The following STXBP2 variants were observed in gnomAD, a reference collection of about 807,000 sequenced individuals.
STXBP2 encodes the protein syntaxin binding protein 2.
STXBP2 carries 47 observed loss-of-function variants against 72.2 expected under a neutral mutation model. The ratio of observed to expected loss-of-function variants is 0.65; its 90% confidence interval spans 0.51 to 0.83. The LOEUF (loss-of-function observed/expected upper bound fraction) is 0.83. Among genes scored for constraint, STXBP2 ranks in the 40% least tolerant of loss-of-function variants. The pLI is 0.00. For synonymous variants in STXBP2, 367 were observed against 338.7 expected (o/e 1.08, Z -0.92); for missense variants, 702 against 807.6 (o/e 0.87, Z 1.58).
In STXBP2 at chr19:7,640,882, A is replaced by G. The variant is rs762549223; in HGVS notation, c.326-18A>G. 6.2e-7 allele frequency: 1 copy of G among 1,613,032 alleles called. No homozygotes were observed. Among genetic ancestry groups the G allele is most frequent in the Non-Finnish European group, 8.5e-7 (1 of 1,179,788 alleles). On this transcript the variant is annotated intron_variant, in intron 5 of 18. Transcript: ENST00000221283. ...GGGGGCTGCTCTGGCCTGATGCCCC[A>G]CTCCTGCCTCACCCCAGCCTGCCCC...
chr19:7,645,026 A>C (rs771015080), intron 14 of STXBP2, 171 bp from the exon 15 acceptor site: 3 of 1,455,220 alleles, frequency 2.1e-6, no homozygotes, highest in Non-Finnish European at 2.7e-6. Context: ...CCCCTGATCT[A>C]CCCCCTCCAG....
Position 7,645,213 on chromosome 19 carries a change from C to T in STXBP2, c.1263C>T (p.Asn421=), listed in dbSNP as rs772865803. The change falls in exon 15 of 19, where the codon AAC becomes AAT. Residue 421 remains asparagine, a synonymous_variant. Coordinates refer to ENST00000221283, the MANE Select transcript of STXBP2 (RefSeq NM_006949.4). The stretch of plus-strand genomic sequence containing the variant: ...GTCCCCCAGGTGTGAGTGAGGAGAA[C>T]CTGGCCAAGCTGATCCAGCATGCCA... ...ILLRNGVSEE[N]LAKLIQHANV... The T allele has an allele frequency of 5.1e-6, 8 of 1,565,856 alleles. No individual in the cohort carries two copies. In the Admixed American group the frequency reaches 1.5e-4, roughly 29 times the overall value.
At chr19:7,646,152 GCCATCCCCCACCCTA>G in intron 15 of STXBP2, 82 bp from the exon 16 acceptor site, 4 of 975,070 alleles carry the variant, frequency 4.1e-6, no homozygotes, top group Non-Finnish European at 4.7e-6. Context: ...ATCTTTGCCT[GCCATCCCCCACCCTA>G]CCAGCCACAC....
In STXBP2 at chr19:7,640,869, G is replaced by T; in HGVS notation, c.326-31G>T. On this transcript the variant is annotated intron_variant, in intron 5 of 18. Coordinates refer to ENST00000221283, the MANE Select transcript of STXBP2 (RefSeq NM_006949.4). ...GGCAAGGAGGTGTGGGGGCTGCTCTGGCCTGATGCCCCACTCCTGCCTCAC... is the reference window on the plus strand; with the variant it reads ...GGCAAGGAGGTGTGGGGGCTGCTCTTGCCTGATGCCCCACTCCTGCCTCAC... The T allele has an allele frequency of 3.7e-6, 6 of 1,613,574 alleles. No homozygotes were observed. Among genetic ancestry groups the T allele is most frequent in the Non-Finnish European group, 5.1e-6 (6 of 1,179,590 alleles).
At chr19:7,643,664 GAA>G (rs2031989694) in intron 13 of STXBP2, among the ~76,000 whole-genome samples, 2 of 150,708 alleles carry the variant, frequency 1.3e-5, no homozygotes, top group African/African-American at 2.4e-5. Context: ...CCTGGGAGAG[GAA>G]TGGAGCCTTG....
Position 7,647,860 on chromosome 19 carries a change from C to G in STXBP2, c.*50C>G. 6.5e-7 allele frequency: 1 copy of G among 1,526,898 alleles called. No homozygotes were observed. The highest frequency in any genetic ancestry group is 9.0e-7 in the Non-Finnish European group (1 of 1,105,988). The allele number at this position is 1,526,898 out of a possible 1,614,324, so 94.6% of individuals were successfully genotyped here. On this transcript the variant is annotated 3_prime_UTR_variant, in exon 19 of 19. Coordinates refer to ENST00000221283, the MANE Select transcript of STXBP2 (RefSeq NM_006949.4). ...CCCTTTCCAGAGAAATAAACTCTTC[C>G]CGTCGCTCTGCCAGCCAGTGCCTAC... is the stretch of plus-strand genomic sequence containing the variant.
In STXBP2 at chr19:7,642,583, G is replaced by T. The variant is rs192277909; in HGVS notation, c.902+47G>T. On this transcript the variant is annotated intron_variant, in intron 10 of 18. Transcript: ENST00000221283. The surrounding 1 kb of genome is among the most constrained non-coding windows in gnomAD (Gnocchi z 6.0). ...ATCCCCCCCCCACCGCCCACTGTGGGCCTGGTAGCGGCCTTGGGATCCCTG... is the reference window on the plus strand; with the variant it reads ...ATCCCCCCCCCACCGCCCACTGTGGTCCTGGTAGCGGCCTTGGGATCCCTG... The T allele has an allele frequency of 6.8e-4, 1,085 of 1,604,634 alleles. 9 individuals are homozygous for T. The highest frequency in any genetic ancestry group is 2.9e-3 in the Middle Eastern group (17 of 5,924).
intron 15 of STXBP2, 128 bp from the exon 16 acceptor site, chr19:7,646,121 C>G: frequency 2.8e-6 from 2 of 714,380 alleles, no homozygotes; most frequent in Non-Finnish European, 4.9e-6. Flanking sequence ...CGCTCTCTCT[C>G]GCTCTCTGTT....
At chr19:7,645,358 C>T (rs1195821297) in intron 15 of STXBP2, 52 bp downstream of exon 15, 8 of 1,517,396 alleles carry the variant, frequency 5.3e-6, no homozygotes, top group Non-Finnish European at 6.3e-6. Context: ...CGGATCACAG[C>T]CGGGGCTCTG....
At chr19:7,647,094 TG>T in intron 16 of STXBP2, 67 bp from the exon 17 acceptor site, 4 of 1,542,128 alleles carry the variant, frequency 2.6e-6, no homozygotes, top group Non-Finnish European at 2.7e-6. Flanking sequence ...GAATACCCCG[TG>T]GGGGGCACTC....
chr19:7,645,241 G>A lies in STXBP2; in HGVS notation c.1291G>A (p.Val431Ile). 1 of 1,579,850 alleles carries A rather than the reference G, an allele frequency of 6.3e-7. No homozygotes were observed. Among genetic ancestry groups the A allele is most frequent in the Non-Finnish European group, 8.6e-7 (1 of 1,161,720 alleles). The change falls in exon 15 of 19, where the codon GTA becomes ATA. Residue 431 changes from valine to isoleucine, a missense_variant. Physicochemically the swap from Val to Ile is conservative, Grantham distance 29 (BLOSUM62 3). Transcript: ENST00000221283. ...GGCCAAGCTGATCCAGCATGCCAAT[G>A]TACAGGCGCACAGCAGCCTCATCCG... ...NLAKLIQHAN[V>I]QAHSSLIRNL...
Position 7,639,863 on chromosome 19 carries a change from T to C in STXBP2, c.246+56T>C, listed in dbSNP as rs762534168. ...GCGTGCATGCGTGTACATGTGCATGTGTGTGTATGTCTGCATGCATGTGAT... is the reference window on the plus strand; with the variant it reads ...GCGTGCATGCGTGTACATGTGCATGCGTGTGTATGTCTGCATGCATGTGAT... On this transcript the variant is annotated intron_variant, in intron 4 of 18. Transcript: ENST00000221283. The C allele has an allele frequency of 9.7e-6, 15 of 1,546,336 alleles. No individual in the cohort carries two copies. In the South Asian group the frequency reaches 1.7e-4, roughly 17 times the overall value.
the STXBP2 span, chr19:7,630,246 G>A: frequency 2.2e-6 from 1 of 460,000 alleles, no homozygotes; most frequent in Non-Finnish European, 3.9e-6. Flanking sequence ...TCCTGGGTTT[G>A]GGGGTGCTCC....
rs201164454 is a variant in STXBP2 at position 7,646,268 on chromosome 19, G to C, written c.1376G>C (p.Arg459Pro). Residue 459 changes from arginine (R) to proline (P), a missense_variant, in exon 16 of 19, where the codon CGG becomes CCG. Arg to Pro is a moderately radical substitution (Grantham distance 103). Transcript: ENST00000221283. ...CTGTAGGGCTCGGGGACCTCCAGCC[G>C]GCTGGAGCCGAGAGAACGCATGGAG... is the stretch of plus-strand genomic sequence containing the variant. The part of the protein sequence containing the change: ...TNPGGSGTSS[R>P]LEPRERMEPT... 1 of 1,608,708 alleles carries C rather than the reference G, an allele frequency of 6.2e-7. No individual in the cohort carries two copies. Among genetic ancestry groups the C allele is most frequent in the South Asian group, 1.1e-5 (1 of 89,880 alleles).
rs541299671 is a variant in STXBP2 at position 7,644,942 on chromosome 19, C to T, written c.1246+190C>T. ...GGGGATTCCTCCACTGAGGTGAGGG[C>T]TCCCTGCTAACGTAGAAACCCTCAC... On this transcript the variant is annotated intron_variant, in intron 14 of 18. Coordinates refer to ENST00000221283, the MANE Select transcript of STXBP2 (RefSeq NM_006949.4). 13 of 1,452,800 alleles carry T rather than the reference C, an allele frequency of 8.9e-6. No homozygotes were observed. The South Asian group carries it at 1.6e-4, about 18-fold the overall frequency. 90.0% of individuals were successfully genotyped at this position (1,452,800 alleles called of 1,614,324 possible).
In STXBP2 at chr19:7,637,144, G is replaced by A; in HGVS notation, c.-6G>A. 2 of 1,241,288 alleles carry A rather than the reference G, an allele frequency of 1.6e-6. No homozygotes were observed. Among genetic ancestry groups the A allele is most frequent in the Non-Finnish European group, 1.0e-6 (1 of 988,160 alleles). The allele number at this position is 1,241,288 out of a possible 1,614,324, so 76.9% of individuals were successfully genotyped here. On this transcript the variant is annotated 5_prime_UTR_variant, in exon 1 of 19. Coordinates refer to ENST00000221283, the MANE Select transcript of STXBP2 (RefSeq NM_006949.4). ...CCGGAAGCGGCGGCGGCGCCCCTCG[G>A]GGAAGATGGCGCCCTCGGGGCTGAA...
upstream of STXBP2, chr19:7,636,158 A>AT (rs1207098969): frequency 6.6e-6 from 1 of 151,978 alleles, no homozygotes; most frequent in East Asian, 1.9e-4. Context: ...TTCGGGTCTG[A>AT]TTCACTCCCT....
At chr19:7,631,726 C>A in the STXBP2 span, 1 of 1,438,990 alleles carries the variant, frequency 6.9e-7, no homozygotes, top group Non-Finnish European at 9.1e-7. Flanking sequence ...GCTGCTGTTC[C>A]GACGGAAGCC....
the STXBP2 span, chr19:7,631,409 T>TGGGGGGGGGGGGGGGGGGGGG: frequency 1.3e-5 from 8 of 639,574 alleles, no homozygotes; most frequent in East Asian, 4.4e-5. Context: ...CGGGGGGGGG[T>TGGGGGGGGGGGGGGGGGGGGG]GGTCCCGGCT....
Sources: gnomAD v4.1 joint callset for allele counts (sites outside exome capture counted in the v4.1 genomes callset) on GRCh38, gnomAD v4.1.1 for gene constraint, Gnocchi (gnomAD v3.1) non-coding constraint, MANE v1.5 for transcripts, NCBI Gene and HGNC (gene_info 2026-07-23, HGNC 2026-07-21) for gene names.